The following MAN1A1 variants were observed in gnomAD, a reference collection of about 807,000 sequenced individuals.
MAN1A1 encodes mannosyl-oligosaccharide 1,2-alpha-mannosidase IA.
A neutral mutation model predicts 70.8 loss-of-function variants in MAN1A1; 29 were observed. That is an observed-to-expected ratio of 0.41 (90% CI 0.31 to 0.56). The LOEUF (loss-of-function observed/expected upper bound fraction) is 0.56, where lower values mean the gene tolerates loss of function less well. Ranked by LOEUF, MAN1A1 falls within the 20% of genes least tolerant of loss-of-function variation. MAN1A1 has a pLI of 0.29. For synonymous variants in MAN1A1, 349 were observed against 330.1 expected, an observed-to-expected ratio of 1.06 and a Z score of -0.62; for missense variants, 747 against 841.3, an observed-to-expected ratio of 0.89 and a Z score of 1.39.
At chr6:119,204,195 G>A (rs895587988) in intron 7 of MAN1A1, among the ~76,000 whole-genome samples, 2 of 152,230 alleles carry the variant, frequency 1.3e-5, no homozygotes, top group African/African-American at 4.8e-5. Context: ...ACTGGTCACT[G>A]TGACAGGTGT....
intron 2 of MAN1A1, among the ~76,000 whole-genome samples, chr6:119,315,301 T>C (rs984128423): frequency 3.3e-5 from 5 of 152,256 alleles, no homozygotes; most frequent in African/African-American, 1.2e-4. Context: ...CCACTGAGCA[T>C]TAATTCCCCA....
At chr6:119,261,764 C>T (rs1003462900) in intron 5 of MAN1A1, among the ~76,000 whole-genome samples, 1 of 152,108 alleles carries the variant, frequency 6.6e-6, no homozygotes, top group African/African-American at 2.4e-5. Context: ...TGACTTTACC[C>T]AATATGATTT....
intron 3 of MAN1A1, among the ~76,000 whole-genome samples, chr6:119,306,123 A>G (rs1158511702): frequency 6.6e-6 from 1 of 152,222 alleles, no homozygotes; most frequent in South Asian, 2.1e-4. Context: ...ATTTTCAGTT[A>G]AAGTATAGAA....
chr6:119,245,181 T>C (rs1203261450), intron 6 of MAN1A1, among the ~76,000 whole-genome samples: 2 of 152,152 alleles, frequency 1.3e-5, no homozygotes, highest in African/African-American at 2.4e-5. Context: ...CAGTCAACAA[T>C]GAATGCACAG....
At chr6:119,213,690 C>T (rs1322211081) in intron 6 of MAN1A1, among the ~76,000 whole-genome samples, 1 of 152,194 alleles carries the variant, frequency 6.6e-6, no homozygotes, top group Non-Finnish European at 1.5e-5. Context: ...TCTTTTACTA[C>T]CACCAGCGCT....
chr6:119,225,995 ATCTG>A lies in MAN1A1; in HGVS notation c.993-21117_993-21114del, dbSNP rs1774503764. On this transcript the variant is annotated intron_variant, in intron 6 of 12. Transcript: ENST00000368468. ...AATTATGTAGGTAGATATAAAGTAC[ATCTG>A]TCTGCCTATCCATGCATCTATCTGA... Among the ~76,000 whole-genome samples, 7 of 152,358 alleles carry A rather than the reference ATCTG, an allele frequency of 4.6e-5. No individual in the cohort carries two copies. In the South Asian group the frequency reaches 1.5e-3, roughly 32 times the overall value.
intron 6 of MAN1A1, among the ~76,000 whole-genome samples, chr6:119,209,954 T>C (rs1278822362): frequency 6.6e-6 from 1 of 151,928 alleles, no homozygotes. Flanking sequence ...AGCAGCAGGG[T>C]AAATCTCCAC....
intron 4 of MAN1A1, among the ~76,000 whole-genome samples, chr6:119,295,737 C>T (rs1212645862): frequency 6.6e-6 from 1 of 152,104 alleles, no homozygotes; most frequent in Non-Finnish European, 1.5e-5. Flanking sequence ...GCTATTCCTC[C>T]AAACTCTGTA....
intron 6 of MAN1A1, among the ~76,000 whole-genome samples, chr6:119,227,544 A>G (rs1774552521): frequency 6.6e-6 from 1 of 152,204 alleles, no homozygotes; most frequent in Non-Finnish European, 1.5e-5. Flanking sequence ...GTGGTGTAAT[A>G]ATGGCTCATT....
chr6:119,258,056 A>G (rs918581863), intron 5 of MAN1A1, among the ~76,000 whole-genome samples: 2 of 152,208 alleles, frequency 1.3e-5, no homozygotes, highest in African/African-American at 4.8e-5. Context: ...AATGCCTACT[A>G]AAGAGATGGG....
At chr6:119,226,773 C>T (rs143822512) in intron 6 of MAN1A1, among the ~76,000 whole-genome samples, 10 of 152,066 alleles carry the variant, frequency 6.6e-5, no homozygotes, top group African/African-American at 1.9e-4. Flanking sequence ...TGGGTTCAAG[C>T]GATTCTTGTG....
At chr6:119,180,670 G>A (rs187977899) in intron 11 of MAN1A1, among the ~76,000 whole-genome samples, 143 of 152,084 alleles carry the variant, frequency 9.4e-4, no homozygotes, top group African/African-American at 3.4e-3. Flanking sequence ...TCGCCACCAT[G>A]CCTGGCTAAT....
Position 119,179,724 on chromosome 6 carries a change from CT to C in MAN1A1, c.*94del. 1 of 1,163,572 alleles carries C rather than the reference CT, an allele frequency of 8.6e-7. No individual in the cohort carries two copies. The highest frequency in any genetic ancestry group is 1.4e-5 in the South Asian group (1 of 70,680). 72.1% of individuals were successfully genotyped at this position (1,163,572 alleles called of 1,614,324 possible). On this transcript the variant is annotated 3_prime_UTR_variant, in exon 13 of 13. Transcript: ENST00000368468. ...ATTTAAGAACTTAATCACAGACCTA[CT>C]AATCAAAGTTCATCATGTGCCTGAT...
intron 5 of MAN1A1, among the ~76,000 whole-genome samples, chr6:119,271,306 A>T (rs1378540604): frequency 6.6e-6 from 1 of 152,192 alleles, no homozygotes; most frequent in Non-Finnish European, 1.5e-5. Flanking sequence ...CATTTATTTC[A>T]TATTCCATTA....
intron 6 of MAN1A1, among the ~76,000 whole-genome samples, chr6:119,221,853 C>A (rs1774371521): frequency 6.6e-6 from 1 of 152,102 alleles, no homozygotes; most frequent in African/African-American, 2.4e-5. Flanking sequence ...TACTCATATA[C>A]CCACCACTTA....
At chr6:119,238,976 C>T (rs888856846) in intron 6 of MAN1A1, among the ~76,000 whole-genome samples, 8 of 151,950 alleles carry the variant, frequency 5.3e-5, no homozygotes, top group African/African-American at 1.2e-4. Context: ...CTGCAAGTTC[C>T]GCCTCCCGGG....
chr6:119,321,824 G>T lies in MAN1A1; in HGVS notation c.604-14832C>A, dbSNP rs932023417. ...AGTAGGGACAGGATTTTGACATGTT[G>T]GCCAGACTGGTCTTGAACTCCTAAC... is the stretch of plus-strand genomic sequence containing the variant. On this transcript the variant is annotated intron_variant, in intron 2 of 12. Transcript: ENST00000368468. Among the ~76,000 whole-genome samples, 3 of 151,948 alleles carry T rather than the reference G, an allele frequency of 2.0e-5. No individual in the cohort carries two copies. In the South Asian group the frequency reaches 6.2e-4, roughly 32 times the overall value.
intron 5 of MAN1A1, among the ~76,000 whole-genome samples, chr6:119,287,467 G>C (rs993083871): frequency 2.6e-5 from 4 of 151,504 alleles, no homozygotes; most frequent in African/African-American, 9.7e-5. Flanking sequence ...TATCATCTTT[G>C]CTTTACTCTT....
chr6:119,236,765 C>T (rs560614652), intron 6 of MAN1A1, among the ~76,000 whole-genome samples: 38 of 147,382 alleles, frequency 2.6e-4, no homozygotes, highest in African/African-American at 9.2e-4. Flanking sequence ...TTAAAAAGTA[C>T]ATTTCATTAG....
Sources: gnomAD v4.1 joint callset for allele counts (sites outside exome capture counted in the v4.1 genomes callset) on GRCh38, gnomAD v4.1.1 for gene constraint, MANE v1.5 for transcripts, NCBI Gene and HGNC (gene_info 2026-07-23, HGNC 2026-07-21) for gene names.